Variants in PCDHA9 observed in about 807,000 individuals in gnomAD.
PCDHA9 encodes the protein protocadherin alpha-9.
Under a neutral mutation model 62.0 loss-of-function variants are expected in PCDHA9, and 62 were observed. The observed-to-expected ratio is 1.00, with a 90% CI of 0.81 to 1.23. The LOEUF is 1.23. PCDHA9 is among the 50% of genes most tolerant of loss of function. The pLI, the probability that PCDHA9 is intolerant of heterozygous loss-of-function variation, is 0.00. For missense variants in PCDHA9, 1,205 were observed against 1,249.8 expected (o/e 0.96, Z 0.54); for synonymous variants, 557 against 567.6 (o/e 0.98, Z 0.27).
Position 140,881,317 on chromosome 5 carries a change from T to A in PCDHA9, c.2394+30428T>A, listed in dbSNP as rs2058663628. On this transcript the variant is annotated intron_variant, in intron 1 of 3. Coordinates refer to ENST00000532602, the MANE Select transcript of PCDHA9 (RefSeq NM_031857.2). ...GGAAACTTTAACCTCCTGGTTAAAT[T>A]CTATTTAACCAGGACGCCGATTCGG... 8.2e-6 allele frequency: 8 copies of A among 977,378 alleles called. No individual in the cohort carries two copies. The Admixed American group carries it at 4.9e-4, about 60-fold the overall frequency. The allele number at this position is 977,378 out of a possible 1,614,324, so 60.5% of individuals were successfully genotyped here.
chr5:140,928,291 G>A (rs62384489), intron 1 of PCDHA9: 1 of 1,614,142 alleles, frequency 6.2e-7, no homozygotes, highest in Non-Finnish European at 8.5e-7. Context: ...TCTAGGCCGA[G>A]TGTTTGCCCA....
chr5:140,869,840 A>G (rs782569950), intron 1 of PCDHA9: 32 of 1,611,616 alleles, frequency 2.0e-5, no homozygotes, highest in Non-Finnish European at 2.6e-5. Context: ...GATAAATCAG[A>G]ATATAAGGTG....
At chr5:140,946,574 G>C (rs246054) in intron 1 of PCDHA9, among the ~76,000 whole-genome samples, 17 of 145,538 alleles carry the variant, frequency 1.2e-4, no homozygotes, top group African/African-American at 4.5e-4. Flanking sequence ...AATCAACTTA[G>C]GTGTTCATAG....
At chr5:140,983,992 C>A (rs2097080247) in intron 3 of PCDHA9, among the ~76,000 whole-genome samples, 1 of 152,200 alleles carries the variant, frequency 6.6e-6, no homozygotes, top group Non-Finnish European at 1.5e-5. Flanking sequence ...TGAAGCAATT[C>A]ATTAGAGAGC....
At chr5:140,926,549 C>A in intron 1 of PCDHA9, 1 of 231,836 alleles carries the variant, frequency 4.3e-6, no homozygotes, top group Non-Finnish European at 8.2e-6. Flanking sequence ...GTGGTCGAGA[C>A]CCCAGCCCGC....
rs1353719119 is a variant in PCDHA9 at position 140,850,611 on chromosome 5, G to A, written c.2116G>A (p.Ala706Thr). 1.3e-6 allele frequency: 2 copies of A among 1,598,474 alleles called. No individual in the cohort carries two copies. The highest frequency in any genetic ancestry group is 1.7e-6 in the Non-Finnish European group (2 of 1,167,904). The change falls in exon 1 of 4, where the codon GCG becomes ACG. Residue 706 changes from alanine to threonine, a missense_variant. By Grantham distance (58) the Ala-to-Thr change is moderately conservative. Transcript: ENST00000532602. ...CGTGTACCTGATCATCGCCATCTGC[G>A]CGGTGTCTAGCCTGTTGGTTCTCAC... is the stretch of plus-strand genomic sequence containing the variant. ...VNVYLIIAIC[A>T]VSSLLVLTLL...
In PCDHA9 at chr5:141,009,929, G is replaced by A; in HGVS notation, c.2845G>A (p.Asp949Asn). The A allele has an allele frequency of 1.2e-6, 2 of 1,603,732 alleles. No individual in the cohort carries two copies. Among genetic ancestry groups the A allele is most frequent in the Non-Finnish European group, 1.7e-6 (2 of 1,176,576 alleles). Residue 949 changes from aspartate to asparagine, a missense_variant, in exon 4 of 4, where the codon GAC (aspartate) becomes AAC (asparagine). Transcript: ENST00000532602. ...AGGGAACAGCACGACTGACAACAGT[G>A]ACCAGTGAGGTCCTCAAATGGAAAC... is the stretch of plus-strand genomic sequence containing the variant. ...EKGNSTTDNSDQ is the reference protein window; with the variant it reads ...EKGNSTTDNSNQ
intron 1 of PCDHA9, chr5:140,869,696 A>T: frequency 6.2e-7 from 1 of 1,613,472 alleles, no homozygotes; most frequent in Non-Finnish European, 8.5e-7. Context: ...ATTTTAAAGA[A>T]GTCTCTGGAT....
rs202032784 is a variant in PCDHA9, at chr5:140,927,180, C to T, written c.2395-51769C>T. On this transcript the variant is annotated intron_variant, in intron 1 of 3. Coordinates refer to ENST00000532602, the MANE Select transcript of PCDHA9 (RefSeq NM_031857.2). ...GGGCCAAAGCTGCCTGCGTCTTGAC[C>T]TACGACCTGGTGCTCGAGGACCCGC... is the stretch of plus-strand genomic sequence containing the variant. 5 of 1,614,048 alleles carry T rather than the reference C, an allele frequency of 3.1e-6. No homozygotes were observed. The South Asian group carries it at 3.3e-5, about 11-fold the overall frequency.
At chr5:140,946,038 G>T (rs782421286) in intron 1 of PCDHA9, among the ~76,000 whole-genome samples, 29 of 152,042 alleles carry the variant, frequency 1.9e-4, no homozygotes, top group Non-Finnish European at 4.0e-4. Flanking sequence ...CAAGAGTGAA[G>T]GGACAATCCA....
Position 140,856,345 on chromosome 5 carries a change from G to C in PCDHA9, c.2394+5456G>C, listed in dbSNP as rs1347690443. The C allele has an allele frequency of 8.8e-6, 14 of 1,598,640 alleles. 1 individual carries two copies. The highest frequency in any genetic ancestry group is 1.2e-5 in the Non-Finnish European group (14 of 1,168,012). ...GCGAGGAGCTGTGCGGGCGGAGCGT[G>C]GAGTGCAGCATCCACCTGGAGGTGA... is the stretch of plus-strand genomic sequence containing the variant. On this transcript the variant is annotated intron_variant, in intron 1 of 3. Transcript: ENST00000532602.
chr5:141,003,574 A>T (rs559561339), intron 3 of PCDHA9, among the ~76,000 whole-genome samples: 1 of 151,680 alleles, frequency 6.6e-6, no homozygotes, highest in African/African-American at 2.4e-5. Context: ...CAGACTCCCA[A>T]AGTGCTGGGA....
At chr5:140,879,235 A>G (rs904336289) in intron 1 of PCDHA9, among the ~76,000 whole-genome samples, 5 of 152,240 alleles carry the variant, frequency 3.3e-5, no homozygotes, top group Middle Eastern at 3.2e-3. Flanking sequence ...CATATACAAG[A>G]GGCACTGGCA....
At chr5:140,870,273 C>T in intron 1 of PCDHA9, 10 of 1,614,192 alleles carry the variant, frequency 6.2e-6, no homozygotes, top group Non-Finnish European at 8.5e-6. Flanking sequence ...CGCTGACGCC[C>T]CACGTTCCCT....
At chr5:140,966,809 C>T (rs1335148442) in intron 1 of PCDHA9, 5 of 1,547,376 alleles carry the variant, frequency 3.2e-6, no homozygotes, top group African/African-American at 1.4e-5. Flanking sequence ...AGAGCATCCA[C>T]GGCTCCGGCG....
intron 1 of PCDHA9, among the ~76,000 whole-genome samples, chr5:140,887,688 G>GA (rs1453843716): frequency 4.2e-4 from 64 of 151,926 alleles, no homozygotes; most frequent in Middle Eastern, 3.2e-3. Context: ...TCAAATTCAG[G>GA]AAAAAATCAA....
chr5:140,997,557 A>G lies in PCDHA9; in HGVS notation c.2543-12070A>G, dbSNP rs1392974918. On this transcript the variant is annotated intron_variant, in intron 3 of 3. Coordinates refer to ENST00000532602, the MANE Select transcript of PCDHA9 (RefSeq NM_031857.2). ...TACATTATTATAATCTTACAGGACA[A>G]CTGTCATATGTGTGGTCCGTTGTTG... is the stretch of plus-strand genomic sequence containing the variant. Among the ~76,000 whole-genome samples, 15 of 152,262 alleles carry G rather than the reference A, an allele frequency of 9.9e-5. No individual in the cohort carries two copies. In the South Asian group the frequency reaches 1.2e-3, roughly 13 times the overall value.
At chr5:140,917,863 G>A (rs182359679) in intron 1 of PCDHA9, among the ~76,000 whole-genome samples, 1 of 151,750 alleles carries the variant, frequency 6.6e-6, no homozygotes, top group East Asian at 1.9e-4. Context: ...GGATTGCTTT[G>A]ACTATTTGGG....
chr5:140,922,268 A>T (rs2153564244), intron 1 of PCDHA9, among the ~76,000 whole-genome samples: 1 of 152,382 alleles, frequency 6.6e-6, no homozygotes, highest in Non-Finnish European at 1.5e-5. Context: ...TGCCATGAAG[A>T]TTGGACCAAG....
Sources: allele counts gnomAD v4.1 joint callset (sites outside exome capture counted in the v4.1 genomes callset), GRCh38; gene constraint gnomAD v4.1.1; transcripts MANE v1.5; gene names NCBI Gene and HGNC (gene_info 2026-07-23, HGNC 2026-07-21).